PTPRT: variants seen among roughly 807,000 people sequenced by gnomAD.
The protein encoded by PTPRT is protein tyrosine phosphatase receptor type T.
A neutral mutation model predicts 176.8 loss-of-function variants in PTPRT; 56 were observed. That is an observed-to-expected ratio of 0.32 (90% CI 0.26 to 0.40). PTPRT has a LOEUF of 0.40. Among genes scored for constraint, PTPRT ranks in the 10% least tolerant of loss-of-function variants. PTPRT has a pLI of 1.00. For missense variants in PTPRT, 1,540 were observed against 1,908.2 expected, an observed-to-expected ratio of 0.81 and a Z score of 3.60; for synonymous variants, 783 against 739.0, an observed-to-expected ratio of 1.06 and a Z score of -0.96.
At chr20:43,157,180 T>C (rs577504502) in intron 1 of PTPRT, among the ~76,000 whole-genome samples, 9 of 147,094 alleles carry the variant, frequency 6.1e-5, no homozygotes, top group Non-Finnish European at 1.3e-4. Context: ...GGCAAAACAC[T>C]GTCTCTCTAC....
At chr20:42,911,596 A>G (rs568815723) in intron 1 of PTPRT, among the ~76,000 whole-genome samples, 16 of 152,314 alleles carry the variant, frequency 1.1e-4, no homozygotes, top group African/African-American at 3.8e-4. Context: ...ATTTATATAT[A>G]AATCTATGCA....
chr20:42,781,623 G>T (rs887044147), intron 3 of PTPRT, among the ~76,000 whole-genome samples: 3 of 152,024 alleles, frequency 2.0e-5, no homozygotes, highest in African/African-American at 7.2e-5. Flanking sequence ...TCAGCAGCAG[G>T]TTTTCTCTAA....
At chr20:42,409,012 G>T (rs889188481) in intron 9 of PTPRT, among the ~76,000 whole-genome samples, 7 of 152,152 alleles carry the variant, frequency 4.6e-5, no homozygotes, top group Non-Finnish European at 7.4e-5. Context: ...CCTCCTAGGG[G>T]TCTCACCTCC....
intron 6 of PTPRT, among the ~76,000 whole-genome samples, chr20:42,740,963 C>T (rs2076600177): frequency 6.6e-6 from 1 of 152,126 alleles, no homozygotes; most frequent in Admixed American, 6.5e-5. Context: ...TATTATACCC[C>T]AAAGAACTTG....
intron 1 of PTPRT, among the ~76,000 whole-genome samples, chr20:43,058,434 A>G (rs1290891164): frequency 6.6e-5 from 10 of 151,782 alleles, no homozygotes; most frequent in African/African-American, 2.2e-4. Context: ...GAGAGAGAGA[A>G]AAGAGGATGG....
chr20:42,518,207 C>T (rs1482923469), intron 7 of PTPRT, among the ~76,000 whole-genome samples: 1 of 151,944 alleles, frequency 6.6e-6, no homozygotes, highest in Non-Finnish European at 1.5e-5. Flanking sequence ...TGCAAACTGT[C>T]ATTTTAATAG....
At chr20:42,689,095 T>G (rs1269563239) in intron 6 of PTPRT, among the ~76,000 whole-genome samples, 1 of 152,120 alleles carries the variant, frequency 6.6e-6, no homozygotes, top group Non-Finnish European at 1.5e-5. Context: ...CCCTCAAGCC[T>G]GAAGACCCAC....
chr20:42,589,591 A>G (rs1478118092), intron 7 of PTPRT, among the ~76,000 whole-genome samples: 1 of 152,176 alleles, frequency 6.6e-6, no homozygotes, highest in Non-Finnish European at 1.5e-5. Flanking sequence ...GAACTTTATG[A>G]TAAAGAACTC....
At position 42,419,924 on chromosome 20, in the gene PTPRT, G is replaced by A. The variant is rs149183856; in HGVS notation, c.1560+28296C>T. ...ACGTGGAGACAGAAGCGAGACTGGA[G>A]CAATGCAGCCACAAGCCCAGGATGC... On this transcript the variant is annotated intron_variant, in intron 9 of 30. Coordinates refer to ENST00000373187, the MANE Select transcript of PTPRT (RefSeq NM_007050.6). Among the ~76,000 whole-genome samples, 677 of 152,254 alleles carry A rather than the reference G, an allele frequency of 4.4e-3. 5 individuals carry two copies. The highest frequency in any genetic ancestry group is 0.016 in the African/African-American group (652 of 41,544).
intron 4 of PTPRT, among the ~76,000 whole-genome samples, chr20:42,778,620 G>C (rs2077170936): frequency 1.3e-5 from 2 of 152,188 alleles, no homozygotes; most frequent in African/African-American, 4.8e-5. Flanking sequence ...GTGCAAGATT[G>C]AGCGCATGCA....
intron 9 of PTPRT, among the ~76,000 whole-genome samples, chr20:42,357,230 T>C (rs2058369814): frequency 7.3e-6 from 1 of 136,466 alleles, no homozygotes; most frequent in Non-Finnish European, 1.6e-5. Context: ...GATTTAAATA[T>C]GGACTTATGG....
At chr20:42,935,658 A>G (rs896298646) in intron 1 of PTPRT, among the ~76,000 whole-genome samples, 2 of 152,086 alleles carry the variant, frequency 1.3e-5, no homozygotes, top group African/African-American at 4.8e-5. Context: ...CATTTTTCAA[A>G]AAGTATTTAA....
At chr20:42,329,883 AG>A (rs1198462037) in intron 11 of PTPRT, among the ~76,000 whole-genome samples, 1 of 152,220 alleles carries the variant, frequency 6.6e-6, no homozygotes, top group Admixed American at 6.5e-5. Context: ...TATTGTGATA[AG>A]GATCAAAGAT....
At chr20:42,900,614 T>A (rs1277401040) in intron 1 of PTPRT, among the ~76,000 whole-genome samples, 1 of 152,112 alleles carries the variant, frequency 6.6e-6, no homozygotes, top group Non-Finnish European at 1.5e-5. Context: ...GGAGATGAAA[T>A]CTGCATGGTG....
intron 1 of PTPRT, among the ~76,000 whole-genome samples, chr20:42,961,783 T>G (rs917152433): frequency 1.3e-5 from 2 of 152,142 alleles, no homozygotes; most frequent in Admixed American, 6.5e-5. Context: ...ACTCTGCAGA[T>G]GTAATGAAGC....
At chr20:42,695,730 T>C (rs772757136) in intron 6 of PTPRT, among the ~76,000 whole-genome samples, 6 of 152,170 alleles carry the variant, frequency 3.9e-5, no homozygotes, top group Non-Finnish European at 8.8e-5. Flanking sequence ...AATGATTCAT[T>C]AGTAAGCAGC....
chr20:42,500,954 ACTT>A (rs111290102), intron 7 of PTPRT, among the ~76,000 whole-genome samples: 3,679 of 152,124 alleles, frequency 0.024, 147 homozygotes, highest in African/African-American at 0.084. Flanking sequence ...TACTATTTTT[ACTT>A]CTTAAGTTTA....
intron 5 of PTPRT, among the ~76,000 whole-genome samples, chr20:42,759,914 A>G (rs2076890590): frequency 6.6e-6 from 1 of 152,172 alleles, no homozygotes; most frequent in Non-Finnish European, 1.5e-5. Flanking sequence ...ACTTTGACAC[A>G]TGGAGATTTA....
At chr20:42,283,004 T>C (rs376762601) in intron 12 of PTPRT, among the ~76,000 whole-genome samples, 1 of 152,176 alleles carries the variant, frequency 6.6e-6, no homozygotes, top group African/African-American at 2.4e-5. Flanking sequence ...ATGAAACATG[T>C]CAAACTCAAA....
Sources: allele counts gnomAD v4.1 joint callset (sites outside exome capture counted in the v4.1 genomes callset), GRCh38; gene constraint gnomAD v4.1.1; transcripts MANE v1.5; gene names NCBI Gene and HGNC (gene_info 2026-07-23, HGNC 2026-07-21).